Variants in PTPRN2 observed in about 807,000 individuals in gnomAD.
PTPRN2 encodes the protein protein tyrosine phosphatase receptor type N2.
Under a neutral mutation model 118.8 loss-of-function variants are expected in PTPRN2, and 74 were observed. The ratio of observed to expected loss-of-function variants is 0.62; its 90% CI spans 0.52 to 0.76. The LOEUF (loss-of-function observed/expected upper bound fraction) is 0.76, where lower values mean the gene tolerates loss of function less well. Among genes scored for constraint, PTPRN2 ranks in the 30% least tolerant of loss-of-function variants. The pLI, the probability that PTPRN2 is intolerant of heterozygous loss-of-function variation, is 0.00. For synonymous variants in PTPRN2, 641 were observed against 608.0 expected (o/e 1.05, Z -0.80); for missense variants, 1,481 against 1,394.4 (o/e 1.06, Z -0.99).
chr7:158,442,120 GGTGATAGTGATGGTGGTGGCA>G (rs1817379214), intron 2 of PTPRN2, among the ~76,000 whole-genome samples: 2 of 144,244 alleles, frequency 1.4e-5, no homozygotes, highest in African/African-American at 5.0e-5. Flanking sequence ...TGGTGGTGGT[GGTGATAGTGATGGTGGTGGCA>G]GTGGTGGTGA....
chr7:158,249,053 G>A (rs899239025), intron 3 of PTPRN2, among the ~76,000 whole-genome samples: 8 of 145,806 alleles, frequency 5.5e-5, no homozygotes, highest in African/African-American at 2.1e-4. Flanking sequence ...CCACACACGT[G>A]CACCCACATC....
chr7:157,668,150 C>T (rs1410959505), intron 13 of PTPRN2, among the ~76,000 whole-genome samples: 6 of 152,262 alleles, frequency 3.9e-5, no homozygotes, highest in African/African-American at 1.4e-4. Flanking sequence ...CTGGGCGTGT[C>T]CGCAGAGTCC....
intron 1 of PTPRN2, among the ~76,000 whole-genome samples, chr7:158,567,764 AC>A (rs954431196): frequency 2.6e-5 from 4 of 151,668 alleles, no homozygotes; most frequent in South Asian, 2.1e-4. Flanking sequence ...TGGGGGCTGC[AC>A]CCCCCCACAC....
At chr7:157,745,729 C>T (rs974170866) in intron 12 of PTPRN2, among the ~76,000 whole-genome samples, 1 of 152,162 alleles carries the variant, frequency 6.6e-6, no homozygotes, top group Non-Finnish European at 1.5e-5. Context: ...AAAACGCTCA[C>T]CCAAGAGGAA....
chr7:157,723,176 G>A (rs1459097958), intron 12 of PTPRN2, among the ~76,000 whole-genome samples: 1 of 152,212 alleles, frequency 6.6e-6, no homozygotes, highest in African/African-American at 2.4e-5. Context: ...GGATAGCGGA[G>A]CTGCTCTGTG....
Position 157,847,360 on chromosome 7 carries a change from T to C in PTPRN2, c.1788+51313A>G, listed in dbSNP as rs559814803. Among the ~76,000 whole-genome samples, 118 of 150,384 alleles carry C rather than the reference T, an allele frequency of 7.8e-4. 2 individuals carry two copies. The highest frequency in any genetic ancestry group is 4.6e-3 in the Admixed American group (70 of 15,194). On this transcript the variant is annotated intron_variant, in intron 12 of 22. Transcript: ENST00000389418. Reference sequence around the variant, plus strand: ...CTCTCATTACATCTTCTGTGCCCGATGTTTACAGAGCCCTCTCTGACTCTA... The same window carrying C: ...CTCTCATTACATCTTCTGTGCCCGACGTTTACAGAGCCCTCTCTGACTCTA...
chr7:157,747,406 G>T (rs1245458177), intron 12 of PTPRN2, among the ~76,000 whole-genome samples: 1 of 131,222 alleles, frequency 7.6e-6, no homozygotes, highest in African/African-American at 3.0e-5. Flanking sequence ...GTGATTCTGA[G>T]GCCTGCGTCC....
chr7:157,622,655 G>GA lies in PTPRN2; in HGVS notation c.2197-1147dup, dbSNP rs754821412. Among the ~76,000 whole-genome samples the GA allele has an allele frequency of 3.9e-5, 6 of 152,334 alleles. No individual in the cohort carries two copies. In the East Asian group the frequency reaches 7.7e-4, roughly 20 times the overall value. ...TGCTGTGCTGGCCCAGCTCACACGG[G>GA]AGCAGGTGCATCGGGCACCTGTGCT... On this transcript the variant is annotated intron_variant, in intron 14 of 22. Coordinates refer to ENST00000389418, the MANE Select transcript of PTPRN2 (RefSeq NM_002847.5). This position sits in a 1 kb window ranked among gnomAD's most constrained non-coding sequence, Gnocchi z 5.3.
intron 11 of PTPRN2, among the ~76,000 whole-genome samples, chr7:158,075,920 C>T (rs1812322221): frequency 6.6e-6 from 1 of 152,236 alleles, no homozygotes; most frequent in Non-Finnish European, 1.5e-5. Flanking sequence ...TGCAGCGGAA[C>T]CTGGAGCCGG....
At chr7:158,459,723 A>C (rs1409948316) in intron 2 of PTPRN2, among the ~76,000 whole-genome samples, 1 of 152,172 alleles carries the variant, frequency 6.6e-6, no homozygotes, top group Non-Finnish European at 1.5e-5. Flanking sequence ...AACCACCAAG[A>C]GGCAACCGAG....
At chr7:158,183,255 C>A (rs1324211631) in intron 5 of PTPRN2, among the ~76,000 whole-genome samples, 2 of 152,140 alleles carry the variant, frequency 1.3e-5, no homozygotes, top group Non-Finnish European at 2.9e-5. Context: ...AATCTGTTAT[C>A]TTTTAAATGG....
intron 1 of PTPRN2, among the ~76,000 whole-genome samples, chr7:158,506,587 C>T (rs1327101945): frequency 6.6e-6 from 1 of 151,900 alleles, no homozygotes; most frequent in Non-Finnish European, 1.5e-5. Flanking sequence ...GGGAGCCCTA[C>T]AGGCCCGGGG....
chr7:157,568,649 GA>G (rs1443874705), intron 21 of PTPRN2, among the ~76,000 whole-genome samples: 1 of 152,080 alleles, frequency 6.6e-6, no homozygotes, highest in Non-Finnish European at 1.5e-5. Context: ...GGTAACAAAG[GA>G]CCCAGTGCAT....
intron 10 of PTPRN2, among the ~76,000 whole-genome samples, chr7:158,087,643 A>T (rs71543630): frequency 0.011 from 1,549 of 143,894 alleles, 155 homozygotes; most frequent in Non-Finnish European, 0.016. Context: ...GGGAGTCTTC[A>T]CACAAACCTT....
intron 12 of PTPRN2, among the ~76,000 whole-genome samples, chr7:157,698,595 A>G (rs1797922792): frequency 6.6e-6 from 1 of 152,266 alleles, no homozygotes; most frequent in South Asian, 2.1e-4. Flanking sequence ...TCAAGGCTTC[A>G]TTATTACTAT....
At chr7:158,192,595 C>G in intron 4 of PTPRN2, 100 bp from the exon 5 acceptor site, 1 of 1,375,300 alleles carries the variant, frequency 7.3e-7, no homozygotes, top group Non-Finnish European at 9.7e-7. Context: ...GGGCTGGGAG[C>G]CGGGCTCTCG....
chr7:158,358,293 T>G (rs1360746560), intron 2 of PTPRN2, among the ~76,000 whole-genome samples: 1 of 152,176 alleles, frequency 6.6e-6, no homozygotes, highest in East Asian at 1.9e-4. Flanking sequence ...CCCTCTTTCC[T>G]GCCCTCAGCT....
chr7:157,975,837 C>G (rs1802705034), intron 11 of PTPRN2, among the ~76,000 whole-genome samples: 1 of 152,182 alleles, frequency 6.6e-6, no homozygotes, highest in Non-Finnish European at 1.5e-5. Context: ...GCAGAGGGTC[C>G]CAACCACAAT....
intron 11 of PTPRN2, among the ~76,000 whole-genome samples, chr7:158,057,462 C>A (rs571129792): frequency 1.3e-5 from 2 of 152,162 alleles, no homozygotes; most frequent in Admixed American, 6.5e-5. Flanking sequence ...AGTCACAGAC[C>A]GAGCAGGTAC....
Sources: allele counts gnomAD v4.1 joint callset (sites outside exome capture counted in the v4.1 genomes callset), GRCh38; gene constraint gnomAD v4.1.1; non-coding constraint Gnocchi (gnomAD v3.1); transcripts MANE v1.5; gene names NCBI Gene and HGNC (gene_info 2026-07-23, HGNC 2026-07-21).